PHTF1: variants seen among roughly 807,000 people sequenced by gnomAD.
PHTF1 encodes protein PHTF1.
In PHTF1, 88 loss-of-function variants were observed where a neutral mutation model predicts 102.4. The ratio of observed to expected loss-of-function variants is 0.86; its 90% CI spans 0.72 to 1.03. The LOEUF is 1.03. Among genes scored for constraint, PHTF1 ranks in the 50% least tolerant of loss-of-function variants. The probability of loss-of-function intolerance (pLI) is 0.00; values close to 1 mark genes in which losing one functional copy is unlikely to be tolerated. For missense variants in PHTF1, 814 were observed against 909.5 expected (o/e 0.89, Z 1.35); for synonymous variants, 289 against 305.2 (o/e 0.95, Z 0.55).
chr1:113,757,676 C>A (rs746253486), intron 3 of PHTF1, 23 bp downstream of exon 3: 3 of 1,527,848 alleles, frequency 2.0e-6, no homozygotes, highest in Non-Finnish European at 2.7e-6. Flanking sequence ...GAAACATAGG[C>A]GGAATCAAAG....
intron 5 of PHTF1, among the ~76,000 whole-genome samples, chr1:113,737,245 G>A (rs781731429): frequency 6.6e-6 from 1 of 152,138 alleles, no homozygotes; most frequent in Non-Finnish European, 1.5e-5. Flanking sequence ...TTAATGAACT[G>A]GAGACAAAAA....
intron 11 of PHTF1, among the ~76,000 whole-genome samples, chr1:113,709,684 A>AT (rs1650761531): frequency 6.6e-6 from 1 of 152,200 alleles, no homozygotes; most frequent in African/African-American, 2.4e-5. Flanking sequence ...ATATTATCTC[A>AT]TTAGCTATTT....
chr1:113,701,826 T>TTAAAAAAAAAAAAAAAAAAAA (rs1649470326), intron 15 of PHTF1, among the ~76,000 whole-genome samples: 1 of 27,986 alleles, frequency 3.6e-5, no homozygotes, highest in Non-Finnish European at 6.6e-5. Context: ...CAATTCCTGG[T>TTAAAAAAAAAAAAAAAAAAAA]AAAAAAAAAA....
chr1:113,755,961 G>C (rs1658804999), intron 3 of PHTF1, among the ~76,000 whole-genome samples: 1 of 151,872 alleles, frequency 6.6e-6, no homozygotes, highest in Non-Finnish European at 1.5e-5. Flanking sequence ...CAACTACTCG[G>C]GAGGCTGAGG....
intron 3 of PHTF1, among the ~76,000 whole-genome samples, chr1:113,756,373 G>C (rs763033650): frequency 7.2e-5 from 11 of 152,096 alleles, no homozygotes; most frequent in Non-Finnish European, 1.0e-4. Flanking sequence ...GCTTTCTATT[G>C]ATTGGCCTAT....
chr1:113,735,365 C>CAAAAAAAAAAAAAAAAAAAAAAAAA (rs749964684), intron 5 of PHTF1, among the ~76,000 whole-genome samples: 1 of 28,444 alleles, frequency 3.5e-5, no homozygotes, highest in Non-Finnish European at 5.9e-5. Flanking sequence ...GACTCTGTCT[C>CAAAAAAAAAAAAAAAAAAAAAAAAA]AAAAAAAAAA....
intron 11 of PHTF1, among the ~76,000 whole-genome samples, chr1:113,708,026 T>C (rs1430579248): frequency 6.6e-6 from 1 of 151,972 alleles, no homozygotes; most frequent in African/African-American, 2.4e-5. Flanking sequence ...AAGTTCACCA[T>C]GTGAGGAGGA....
At chr1:113,700,519 G>C (rs1249049003) in intron 16 of PHTF1, among the ~76,000 whole-genome samples, 1 of 152,172 alleles carries the variant, frequency 6.6e-6, no homozygotes, top group African/African-American at 2.4e-5. Flanking sequence ...TAGAATATGA[G>C]ATTAAAAGCA....
rs1009677654 is a variant in PHTF1, at chr1:113,758,987, A to C, written c.-31+36T>G. 2.2e-5 allele frequency: 23 copies of C among 1,053,336 alleles called. No individual in the cohort carries two copies. In the East Asian group the frequency reaches 2.3e-4, roughly 11 times the overall value. 65.2% of individuals were successfully genotyped at this position (1,053,336 alleles called of 1,614,324 possible). ...GGGGCCGCCGCTGGAGTCGCCCGGC[A>C]CCCGCCTCCTTCGCTCGCCCGCGTC... is the stretch of plus-strand genomic sequence containing the variant. On this transcript the variant is annotated intron_variant, in intron 1 of 18. Coordinates refer to ENST00000369604, the MANE Select transcript of PHTF1 (RefSeq NM_001323043.2).
At chr1:113,755,733 G>A (rs2101734309) in intron 3 of PHTF1, among the ~76,000 whole-genome samples, 1 of 152,178 alleles carries the variant, frequency 6.6e-6, no homozygotes, top group East Asian at 1.9e-4. Context: ...TAAAAGGAAG[G>A]TATGTATTAA....
intron 3 of PHTF1, among the ~76,000 whole-genome samples, chr1:113,743,738 T>C (rs113530693): frequency 2.7e-3 from 415 of 152,296 alleles, no homozygotes; most frequent in African/African-American, 9.5e-3. Context: ...CATTATAATC[T>C]TATGGGACCA....
At chr1:113,735,770 T>C (rs1375453690) in intron 5 of PHTF1, among the ~76,000 whole-genome samples, 4 of 152,216 alleles carry the variant, frequency 2.6e-5, no homozygotes, top group Non-Finnish European at 4.4e-5. Context: ...TTTCACTCTA[T>C]ATCTTAAAAA....
intron 16 of PHTF1, 130 bp downstream of exon 16, chr1:113,700,664 T>C: frequency 1.4e-6 from 1 of 731,436 alleles, no homozygotes. Flanking sequence ...AGCAGCAAAC[T>C]GACTTGTGAG....
In PHTF1 at chr1:113,759,012, C is replaced by G. The variant is rs1202942332; in HGVS notation, c.-31+11G>C. On this transcript the variant is annotated intron_variant, in intron 1 of 18. Coordinates refer to ENST00000369604, the MANE Select transcript of PHTF1 (RefSeq NM_001323043.2). ...ACCCGCCTCCTTCGCTCGCCCGCGTCCGGCTCTCACCTAGTGCCCGTTGCC... is the reference window on the plus strand; with the variant it reads ...ACCCGCCTCCTTCGCTCGCCCGCGTGCGGCTCTCACCTAGTGCCCGTTGCC... The G allele has an allele frequency of 1.9e-6, 2 of 1,055,430 alleles. No individual in the cohort carries two copies. Among genetic ancestry groups the G allele is most frequent in the Non-Finnish European group, 2.3e-6 (2 of 876,464 alleles). The allele number at this position is 1,055,430 out of a possible 1,614,324, so 65.4% of individuals were successfully genotyped here.
intron 7 of PHTF1, chr1:113,715,276 C>T (rs952972840): frequency 6.6e-6 from 1 of 152,286 alleles, no homozygotes; most frequent in African/African-American, 2.4e-5. Flanking sequence ...TCGAAGAAAA[C>T]ATGACCTCAC....
At chr1:113,702,587 A>G (rs1649572143) in intron 15 of PHTF1, among the ~76,000 whole-genome samples, 1 of 152,126 alleles carries the variant, frequency 6.6e-6, no homozygotes, top group Non-Finnish European at 1.5e-5. Flanking sequence ...CTCCACTTCT[A>G]TGAAAAATTT....
intron 7 of PHTF1, among the ~76,000 whole-genome samples, chr1:113,723,167 C>G (rs950115373): frequency 6.6e-6 from 1 of 150,544 alleles, no homozygotes; most frequent in East Asian, 1.9e-4. Context: ...CATACATCTA[C>G]AGTGAACTCA....
At chr1:113,746,586 T>C (rs1657279721) in intron 3 of PHTF1, among the ~76,000 whole-genome samples, 1 of 152,234 alleles carries the variant, frequency 6.6e-6, no homozygotes, top group South Asian at 2.1e-4. Context: ...ACTCTAAATT[T>C]CTTGCCTAAA....
At chr1:113,746,413 C>T (rs1270198717) in intron 3 of PHTF1, among the ~76,000 whole-genome samples, 1 of 152,148 alleles carries the variant, frequency 6.6e-6, no homozygotes, top group Non-Finnish European at 1.5e-5. Flanking sequence ...AATCCCCTGA[C>T]TAAGGTGGAA....
Sources: allele counts gnomAD v4.1 joint callset (sites outside exome capture counted in the v4.1 genomes callset), GRCh38; gene constraint gnomAD v4.1.1; transcripts MANE v1.5; gene names NCBI Gene and HGNC (gene_info 2026-07-23, HGNC 2026-07-21).